Variants in BCAR1 observed in about 807,000 individuals in gnomAD.
BCAR1 encodes the protein BCAR1 scaffold protein, Cas family member.
In BCAR1, 30 loss-of-function variants were observed where a neutral mutation model predicts 67.6. The ratio of observed to expected loss-of-function variants is 0.44; its 90% CI spans 0.33 to 0.60. The LOEUF is 0.60. Ranked by LOEUF, BCAR1 falls within the 20% of genes least tolerant of loss-of-function variation. The probability of loss-of-function intolerance (pLI) is 0.02; values close to 1 mark genes in which losing one functional copy is unlikely to be tolerated. For missense variants in BCAR1, 1,313 were observed against 1,222.3 expected (o/e 1.07, Z -1.11); for synonymous variants, 626 against 556.7 (o/e 1.12, Z -1.75).
intron 1 of BCAR1, among the ~76,000 whole-genome samples, chr16:75,259,724 C>T (rs760013996): frequency 1.0e-4 from 15 of 150,386 alleles, no homozygotes; most frequent in African/African-American, 1.5e-4. Context: ...TGGTGGCAGG[C>T]GCCTGTAATC....
rs1385782195 is a variant in BCAR1, at chr16:75,235,429, C to A, written c.1470G>T (p.Trp490Cys). The A allele has an allele frequency of 1.2e-6, 2 of 1,608,140 alleles. No homozygotes were observed. Among genetic ancestry groups the A allele is most frequent in the African/African-American group, 2.7e-5 (2 of 74,922 alleles). The change falls in exon 5 of 7, where the codon TGG becomes TGT. Residue 490 changes from tryptophan to cysteine, a missense_variant. Trp to Cys is a radical substitution (Grantham distance 215, BLOSUM62 -2). Coordinates refer to ENST00000162330, the MANE Select transcript of BCAR1 (RefSeq NM_014567.5). ...GCTCCTGTGGCTCAGAGGGGCTACG[C>A]CAGCTCCCAGTCGCACCGGCGCTGC... ...LAGSAGATGS[W>C]RSPSEPQEPL...
At chr16:75,251,308 C>G (rs374483038) in intron 1 of BCAR1, among the ~76,000 whole-genome samples, 163 bp downstream of exon 1, 1,727 of 152,204 alleles carry the variant, frequency 0.011, 22 homozygotes, top group Non-Finnish European at 0.013. Flanking sequence ...GTTCCTGCCT[C>G]CCGGCTTCCC....
At chr16:75,247,453 G>A (rs2077554795) in intron 1 of BCAR1, 1 of 153,488 alleles carries the variant, frequency 6.5e-6, no homozygotes, top group South Asian at 2.0e-4. Flanking sequence ...CAGGCCCTGA[G>A]AAGCACAGCG....
rs147078987 is a variant in BCAR1 at position 75,229,743 on chromosome 16, A to T, written c.2381T>A (p.Phe794Tyr). ...CTGCCGTGACAGTGTGTCCCCGATG[A>T]ACACCAGCTTGTGGGCGCTGAGGAT... ...FVILSAHKLVFIGDTLSRQAK... is the reference protein window; with the variant it reads ...FVILSAHKLVYIGDTLSRQAK... Residue 794 changes from phenylalanine (F) to tyrosine (Y), a missense_variant, in exon 7 of 7, where the codon TTC becomes TAC. Physicochemically the swap from Phe to Tyr is conservative, Grantham distance 22. Around this residue, in one of 2 missense-constraint regions of BCAR1, gnomAD observed 1,272 missense variants for 1,137.5 expected, o/e 1.12. Coordinates refer to ENST00000162330, the MANE Select transcript of BCAR1 (RefSeq NM_014567.5). 2 of 1,613,324 alleles carry T rather than the reference A, an allele frequency of 1.2e-6. No homozygotes were observed. Among genetic ancestry groups the T allele is most frequent in the African/African-American group, 2.7e-5 (2 of 74,940 alleles).
chr16:75,267,880 G>C, intron 1 of BCAR1: 1 of 1,577,126 alleles, frequency 6.3e-7, no homozygotes, highest in East Asian at 2.3e-5. Context: ...CCCTTAGCAG[G>C]GAGAGAGGGG....
chr16:75,251,012 C>T (rs1408891694), intron 1 of BCAR1: 2 of 984,266 alleles, frequency 2.0e-6, no homozygotes, highest in Non-Finnish European at 2.4e-6. Context: ...GCCCGCCCGG[C>T]CTCGGTCCCC....
intron 1 of BCAR1, among the ~76,000 whole-genome samples, chr16:75,265,653 G>A (rs1031955818): frequency 6.6e-6 from 1 of 151,918 alleles, no homozygotes; most frequent in African/African-American, 2.4e-5. Context: ...CAGAGAGGCC[G>A]GCTTGGGGGA....
At chr16:75,240,426 G>A (rs1266811761) in intron 2 of BCAR1, among the ~76,000 whole-genome samples, 11 of 152,202 alleles carry the variant, frequency 7.2e-5, no homozygotes, top group Admixed American at 7.2e-4. Flanking sequence ...CCCAGCAGAG[G>A]GGGCAACCCA....
chr16:75,229,160 G>T lies in BCAR1; in HGVS notation c.*351C>A. ...GGACACACCAAACTGCACTGGCCCT[G>T]TCAGGGGACACGGCACCCTCGTGGG... On this transcript the variant is annotated 3_prime_UTR_variant, in exon 7 of 7. Transcript: ENST00000162330. 1 of 259,142 alleles carries T rather than the reference G, an allele frequency of 3.9e-6. No homozygotes were observed. The highest frequency in any genetic ancestry group is 7.3e-6 in the Non-Finnish European group (1 of 136,990). The allele number at this position is 259,142 out of a possible 1,614,324, so 16.1% of individuals were successfully genotyped here.
chr16:75,257,177 C>T (rs2077797795), intron 1 of BCAR1, among the ~76,000 whole-genome samples: 1 of 152,168 alleles, frequency 6.6e-6, no homozygotes, highest in Non-Finnish European at 1.5e-5. Context: ...CAGGAGGCCT[C>T]CCCAGCCCAA....
At chr16:75,252,747 C>CTATGGA (rs2077705928), upstream of BCAR1, among the ~76,000 whole-genome samples, 1 of 152,242 alleles carries the variant, frequency 6.6e-6, no homozygotes, top group South Asian at 2.1e-4. Context: ...GACACAAGCC[C>CTATGGA]AGGTGGGCCT....
chr16:75,250,691 C>T, intron 1 of BCAR1: 1 of 985,556 alleles, frequency 1.0e-6, no homozygotes, highest in Non-Finnish European at 1.2e-6. Context: ...ATCAGCCTCT[C>T]GGACCCTCGA....
rs567868406 is a variant in BCAR1 at position 75,235,804 on chromosome 16, C to T, written c.1095G>A (p.Pro365=). 1.4e-5 allele frequency: 23 copies of T among 1,591,010 alleles called. No individual in the cohort carries two copies. Among genetic ancestry groups the T allele is most frequent in the South Asian group, 6.8e-5 (6 of 87,784 alleles). The change falls in exon 5 of 7, where the codon CCG becomes CCA. Residue 365 remains proline, a synonymous_variant. Transcript: ENST00000162330. ...SPPAEDVYDV[P]PPAPDLYDVP... is the part of the protein sequence containing the mutation. ...CGTCGTAGAGGTCAGGAGCCGGGGG[C>T]GGCACGTCATACACGTCCTCGGCCG...
chr16:75,263,634 T>C (rs1033423545), intron 1 of BCAR1: 1 of 985,362 alleles, frequency 1.0e-6, no homozygotes, highest in Non-Finnish European at 1.2e-6. Context: ...CACCAATCTC[T>C]CACCCTGCTT....
chr16:75,243,139 G>C (rs761773390), intron 1 of BCAR1, 49 bp from the exon 2 acceptor site: 2 of 1,526,914 alleles, frequency 1.3e-6, no homozygotes, highest in African/African-American at 2.8e-5. Context: ...TGCATGGGGC[G>C]TCAGGGGCTC....
intron 4 of BCAR1, 190 bp from the exon 5 acceptor site, chr16:75,236,176 A>C (rs2077127891): frequency 1.5e-6 from 1 of 660,570 alleles, no homozygotes; most frequent in Non-Finnish European, 2.5e-6. Flanking sequence ...GCGCACACAC[A>C]CTCGCAGCCC....
In BCAR1 at chr16:75,235,751, G is replaced by A. The variant is rs377457096; in HGVS notation, c.1148C>T (p.Pro383Leu). ...DVPPGLRRPG[P>L]GTLYDVPRER... The stretch of plus-strand genomic sequence containing the variant: ...ACGGGGCACATCGTACAGGGTGCCC[G>A]GGCCAGGCCGCCGCAAGCCAGGGGG... The change falls in exon 5 of 7, where the codon CCG (proline) becomes CTG (leucine). Residue 383 changes from proline to leucine, a missense_variant. Transcript: ENST00000162330. 194 of 1,594,128 alleles carry A rather than the reference G, an allele frequency of 1.2e-4. 2 individuals are homozygous for A. The highest frequency in any genetic ancestry group is 2.2e-4 in the Admixed American group (13 of 58,482).
rs775787216 is a variant in BCAR1, at chr16:75,233,861, C to T, written c.2085G>A (p.Gln695=). ...KGSITRQGKS[Q]LELQQLKQFE... ...GGGGCCTCACCTGCTGCAACTCCAGCTGGCTCTTGCCCTGCCGCGTGATGC... is the reference window on the plus strand; with the variant it reads ...GGGGCCTCACCTGCTGCAACTCCAGTTGGCTCTTGCCCTGCCGCGTGATGC... Residue 695 remains glutamine, a synonymous_variant, in exon 6 of 7, where the codon CAG becomes CAA. Coordinates refer to ENST00000162330, the MANE Select transcript of BCAR1 (RefSeq NM_014567.5). 6.2e-7 allele frequency: 1 copy of T among 1,607,632 alleles called. No individual in the cohort carries two copies. The highest frequency in any genetic ancestry group is 1.1e-5 in the South Asian group (1 of 89,664).
At chr16:75,257,056 AAG>A (rs1334362811) in intron 1 of BCAR1, among the ~76,000 whole-genome samples, 1 of 152,156 alleles carries the variant, frequency 6.6e-6, no homozygotes, top group African/African-American at 2.4e-5. Context: ...GGAAGGGGGA[AAG>A]AGGGGCAAAG....
Sources: allele counts gnomAD v4.1 joint callset (sites outside exome capture counted in the v4.1 genomes callset), GRCh38; gene constraint gnomAD v4.1.1; regional missense constraint gnomAD v4.1.1; transcripts MANE v1.5; gene names NCBI Gene and HGNC (gene_info 2026-07-23, HGNC 2026-07-21).